Variants in ANK2 observed in about 807,000 individuals in gnomAD.
ANK2 encodes ankyrin 2.
In ANK2, 83 loss-of-function variants were observed where a neutral mutation model predicts 360.5. The observed-to-expected ratio is 0.23, with a 90% CI of 0.19 to 0.28. ANK2 has a LOEUF of 0.28. ANK2 is among the 10% of genes least tolerant of loss of function. ANK2 has a pLI of 1.00. For missense variants in ANK2, 4,201 were observed against 4,795.7 expected (o/e 0.88, Z 3.66); for synonymous variants, 1,740 against 1,759.5 (o/e 0.99, Z 0.28).
chr4:112,888,634 G>T (rs1277386858), intron 1 of ANK2, among the ~76,000 whole-genome samples: 2 of 151,626 alleles, frequency 1.3e-5, no homozygotes, highest in Non-Finnish European at 2.9e-5. Context: ...CTCTCCCCCT[G>T]TCTACCCCAA....
chr4:113,318,440 C>T (rs546057143), intron 25 of ANK2, 77 bp from the exon 26 acceptor site: 1 of 1,174,994 alleles, frequency 8.5e-7, no homozygotes. Context: ...CCAGTGATGA[C>T]ACTTTTTATA....
At chr4:112,883,512 G>A (rs920917886) in intron 1 of ANK2, among the ~76,000 whole-genome samples, 38 of 152,288 alleles carry the variant, frequency 2.5e-4, no homozygotes, top group African/African-American at 9.1e-4. Context: ...AAAATGGAAT[G>A]TTTAGTAAAA....
intron 4 of ANK2, among the ~76,000 whole-genome samples, chr4:113,207,111 GCACA>G (rs112753371): frequency 2.0e-5 from 3 of 150,880 alleles, no homozygotes; most frequent in East Asian, 1.9e-4. Context: ...GCGTGCACAC[GCACA>G]CACACACACA....
At chr4:113,011,555 A>C (rs901040143) in intron 2 of ANK2, among the ~76,000 whole-genome samples, 3 of 152,134 alleles carry the variant, frequency 2.0e-5, no homozygotes, top group Non-Finnish European at 4.4e-5. Context: ...CTTGGCCTAG[A>C]GTCGTTAATC....
the ANK2 span, chr4:112,789,008 G>A: frequency 1.8e-6 from 1 of 540,796 alleles, no homozygotes; most frequent in South Asian, 3.0e-5. Context: ...AAGTGTTTAG[G>A]GCATGGATTC....
At chr4:112,829,676 C>T (rs72906871) in intron 1 of ANK2, among the ~76,000 whole-genome samples, 25,094 of 151,840 alleles carry the variant, frequency 0.17, 2,742 homozygotes, top group East Asian at 0.55. Context: ...AAAGTCAGTG[C>T]TGGGCATGGT....
Position 112,879,127 on chromosome 4 carries a change from A to G in ANK2, c.-39-25328A>G, listed in dbSNP as rs560287074. Among the ~76,000 whole-genome samples, 3 of 152,056 alleles carry G rather than the reference A, an allele frequency of 2.0e-5. No homozygotes were observed. In the East Asian group the frequency reaches 5.8e-4, roughly 29 times the overall value. On this transcript the variant is annotated intron_variant, in intron 1 of 30. Coordinates refer to the ANK2 transcript ENST00000503271. The stretch of plus-strand genomic sequence containing the variant: ...TGAACAAAACAAAACAAAACAAAAC[A>G]AAAAACAAAAAACTAGGGATGGGTT...
rs1184684611 is a variant in ANK2, at chr4:113,356,663, T to C, written c.8045T>C (p.Leu2682Ser). 8 of 1,613,986 alleles carry C rather than the reference T, an allele frequency of 5.0e-6. No individual in the cohort carries two copies. Among genetic ancestry groups the C allele is most frequent in the African/African-American group, 1.3e-5 (1 of 74,918 alleles). ...QLKKGADSGL[L>S]PEPVIRVQPP... ...AAAAAAGGTGCTGACTCAGGCCTTT[T>C]ACCAGAACCAGTGATTCGAGTACAA... The change falls in exon 38 of 46, where the codon TTA (leucine) becomes TCA (serine). Residue 2682 changes from leucine (L) to serine (S), a missense_variant. Physicochemically the swap from Leu to Ser is moderately radical, Grantham distance 145. This residue lies in a region of ANK2 where 2,642 missense variants were observed against 2,714.5 expected (regional missense o/e 0.97). Coordinates refer to ENST00000357077, the MANE Select transcript of ANK2 (RefSeq NM_001148.6).
intron 23 of ANK2, among the ~76,000 whole-genome samples, chr4:113,306,546 G>GA (rs1284007086): frequency 6.6e-6 from 1 of 152,144 alleles, no homozygotes; most frequent in Non-Finnish European, 1.5e-5. Context: ...GTGGTACATA[G>GA]AAAAAGTTTA....
chr4:112,951,530 T>C (rs937143764), intron 2 of ANK2, among the ~76,000 whole-genome samples: 4 of 152,248 alleles, frequency 2.6e-5, no homozygotes, highest in Admixed American at 6.5e-5. Context: ...TTTGTTTTTC[T>C]GATTATTTTC....
At chr4:112,800,082 A>C in the ANK2 span, among the ~76,000 whole-genome samples, 1 of 152,148 alleles carries the variant, frequency 6.6e-6, no homozygotes, top group Non-Finnish European at 1.5e-5. Context: ...AATGAAATGG[A>C]GTATATGCCA....
chr4:113,181,858 T>C (rs997826525), intron 2 of ANK2, among the ~76,000 whole-genome samples: 4 of 152,008 alleles, frequency 2.6e-5, no homozygotes, highest in East Asian at 1.9e-4. Flanking sequence ...GAAAGCAGCA[T>C]TGGGTCATGT....
chr4:113,190,140 C>T (rs2098633768), intron 2 of ANK2, among the ~76,000 whole-genome samples: 1 of 151,956 alleles, frequency 6.6e-6, no homozygotes, highest in South Asian at 2.1e-4. Context: ...TTAGCATTTA[C>T]TTTTATTTAT....
intron 2 of ANK2, among the ~76,000 whole-genome samples, chr4:112,939,450 C>T (rs2094026492): frequency 6.6e-6 from 1 of 151,594 alleles, no homozygotes; most frequent in South Asian, 2.1e-4. Flanking sequence ...GCTGGGATTA[C>T]AGGCGTGTGC....
At chr4:112,782,574 ACCAGATTAAAGGCTGGG>A in the ANK2 span, among the ~76,000 whole-genome samples, 1 of 151,858 alleles carries the variant, frequency 6.6e-6, no homozygotes, top group South Asian at 2.1e-4. Flanking sequence ...AGGTGAAGAA[ACCAGATTAAAGGCTGGG>A]CTCGGTGGCT....
intron 2 of ANK2, among the ~76,000 whole-genome samples, chr4:112,982,421 C>T (rs1238931743): frequency 1.1e-4 from 17 of 152,152 alleles, no homozygotes; most frequent in Non-Finnish European, 1.5e-5. Context: ...CAATTCTGAA[C>T]ATCCACTCGG....
chr4:113,085,357 A>C (rs771912406), intron 1 of ANK2, among the ~76,000 whole-genome samples: 11 of 151,812 alleles, frequency 7.2e-5, no homozygotes, highest in Non-Finnish European at 1.5e-4. Context: ...TCTGTCGCCC[A>C]GGCTGGAGTG....
intron 1 of ANK2, among the ~76,000 whole-genome samples, chr4:113,156,371 C>CT (rs150536846): frequency 1.9e-4 from 25 of 128,508 alleles, no homozygotes; most frequent in Admixed American, 3.4e-4. Context: ...TAGAAAAATT[C>CT]TTTTTTTTTT....
At chr4:112,742,561 A>G in the ANK2 span, among the ~76,000 whole-genome samples, 1 of 152,194 alleles carries the variant, frequency 6.6e-6, no homozygotes, top group Non-Finnish European at 1.5e-5. Flanking sequence ...TATCCATAAT[A>G]GATTTGCAAA....
Sources: allele counts gnomAD v4.1 joint callset (sites outside exome capture counted in the v4.1 genomes callset), GRCh38; gene constraint gnomAD v4.1.1; regional missense constraint gnomAD v4.1.1; transcripts MANE v1.5; gene names NCBI Gene and HGNC (gene_info 2026-07-23, HGNC 2026-07-21).